SCARA3: variants seen among roughly 807,000 people sequenced by gnomAD.
The protein encoded by SCARA3 is cellular stress response gene protein.
Under a neutral mutation model 47.0 loss-of-function variants are expected in SCARA3, and 39 were observed. The observed-to-expected ratio is 0.83, with a 90% CI of 0.64 to 1.08. The LOEUF (loss-of-function observed/expected upper bound fraction) is 1.08, where lower values mean the gene tolerates loss of function less well. SCARA3 is among the 50% of genes least tolerant of loss of function. SCARA3 has a pLI of 0.00. For missense variants in SCARA3, 724 were observed against 792.3 expected (o/e 0.91, Z 1.04); for synonymous variants, 356 against 334.1 (o/e 1.07, Z -0.71).
chr8:27,714,298 C>T, the SCARA3 span, among the ~76,000 whole-genome samples: 1 of 149,034 alleles, frequency 6.7e-6, no homozygotes, highest in Non-Finnish European at 1.5e-5. Context: ...CTGGTTCAAG[C>T]AATTCTCTGC....
chr8:27,678,514 A>G (rs1802311431), downstream of SCARA3, among the ~76,000 whole-genome samples: 2 of 152,238 alleles, frequency 1.3e-5, no homozygotes, highest in South Asian at 4.1e-4. Flanking sequence ...TATTAATATA[A>G]CTATGAAAGC....
chr8:27,661,486 T>A (rs1563410615), intron 5 of SCARA3, among the ~76,000 whole-genome samples: 1 of 152,040 alleles, frequency 6.6e-6, no homozygotes, highest in South Asian at 2.1e-4. Flanking sequence ...TGTTACACAA[T>A]AAGGGAATAA....
downstream of SCARA3, among the ~76,000 whole-genome samples, chr8:27,676,973 G>A (rs920993978): frequency 6.6e-6 from 1 of 152,142 alleles, no homozygotes; most frequent in South Asian, 2.1e-4. Flanking sequence ...ACTCCCAGAC[G>A]AGGATGTTCC....
chr8:27,640,218 A>T (rs1430625053), intron 1 of SCARA3, among the ~76,000 whole-genome samples: 1 of 152,180 alleles, frequency 6.6e-6, no homozygotes, highest in East Asian at 1.9e-4. Context: ...TTATTTTTTT[A>T]AAAATCAAAA....
the SCARA3 span, among the ~76,000 whole-genome samples, chr8:27,693,927 CT>C: frequency 2.6e-5 from 4 of 152,192 alleles, no homozygotes; most frequent in African/African-American, 9.7e-5. Flanking sequence ...CAATGTACGT[CT>C]TACAGGTATC....
the SCARA3 span, among the ~76,000 whole-genome samples, chr8:27,709,116 C>G: frequency 9.9e-5 from 15 of 152,280 alleles, no homozygotes; most frequent in Non-Finnish European, 2.1e-4. Context: ...GAGCATTTCT[C>G]ATATTTATTT....
intron 3 of SCARA3, among the ~76,000 whole-genome samples, chr8:27,654,789 C>CA (rs539914704): frequency 0.16 from 13,369 of 85,756 alleles, 673 homozygotes; most frequent in African/African-American, 0.18. Flanking sequence ...GACTGTCTCA[C>CA]AAAAAAAAAA....
rs898098575 is a variant in SCARA3, at chr8:27,659,549, G to A, written c.1369+10G>A. 6.3e-6 allele frequency: 10 copies of A among 1,590,826 alleles called. No homozygotes were observed. The highest frequency in any genetic ancestry group is 6.0e-6 in the Non-Finnish European group (7 of 1,167,324). ...GTCACCATCCTACGAGGTAAGAGCT[G>A]GGTCCAGGTAGGGCTGCTACAAAGC... On this transcript the variant is annotated intron_variant, in intron 5 of 5. Coordinates refer to ENST00000301904, the MANE Select transcript of SCARA3 (RefSeq NM_016240.3).
At chr8:27,681,621 C>T (rs1471630169), downstream of SCARA3, among the ~76,000 whole-genome samples, 2 of 152,114 alleles carry the variant, frequency 1.3e-5, no homozygotes, top group Non-Finnish European at 2.9e-5. Context: ...ACTCTGGAGG[C>T]TGAGACAAGA....
chr8:27,728,165 C>T, the SCARA3 span, among the ~76,000 whole-genome samples: 2 of 152,222 alleles, frequency 1.3e-5, no homozygotes, highest in African/African-American at 4.8e-5. Context: ...TAGCAGAAAG[C>T]TGGGTTCCAG....
the SCARA3 span, among the ~76,000 whole-genome samples, chr8:27,682,359 C>G: frequency 6.6e-6 from 1 of 152,024 alleles, no homozygotes; most frequent in Non-Finnish European, 1.5e-5. Context: ...CTTGGAATGA[C>G]AAAGTTTTCT....
At chr8:27,659,723 A>G (rs1449043770) in intron 5 of SCARA3, among the ~76,000 whole-genome samples, 184 bp downstream of exon 5, 1 of 151,894 alleles carries the variant, frequency 6.6e-6, no homozygotes, top group Non-Finnish European at 1.5e-5. Context: ...GGTGGTGTGT[A>G]CCTATACTCC....
chr8:27,723,071 C>A, the SCARA3 span, among the ~76,000 whole-genome samples: 1 of 152,316 alleles, frequency 6.6e-6, no homozygotes, highest in South Asian at 2.1e-4. Flanking sequence ...GGTGGCTTCC[C>A]TTTCCTTCCA....
chr8:27,699,468 T>C, the SCARA3 span, among the ~76,000 whole-genome samples: 1 of 151,958 alleles, frequency 6.6e-6, no homozygotes, highest in Non-Finnish European at 1.5e-5. Flanking sequence ...GCTTCATGAG[T>C]TGTTGGGATT....
chr8:27,698,923 T>A, the SCARA3 span, among the ~76,000 whole-genome samples: 1 of 152,146 alleles, frequency 6.6e-6, no homozygotes, highest in Non-Finnish European at 1.5e-5. Context: ...ATATATCTCA[T>A]GTTCATGTAT....
chr8:27,669,802 C>T (rs1563413895), intron 5 of SCARA3, among the ~76,000 whole-genome samples: 1 of 152,216 alleles, frequency 6.6e-6, no homozygotes. Flanking sequence ...CACTTAGAAA[C>T]ACTCTGGGAA....
chr8:27,707,269 G>T, the SCARA3 span, among the ~76,000 whole-genome samples: 1 of 152,136 alleles, frequency 6.6e-6, no homozygotes, highest in Non-Finnish European at 1.5e-5. Context: ...TGGGGTTGAA[G>T]TCCCCCAAAG....
At chr8:27,687,922 G>A in the SCARA3 span, among the ~76,000 whole-genome samples, 27,511 of 152,042 alleles carry the variant, frequency 0.18, 3,125 homozygotes, top group Middle Eastern at 0.34. Flanking sequence ...AGGCTGAGGT[G>A]GGAGAATTGC....
chr8:27,671,767 C>A lies in SCARA3; in HGVS notation c.*416C>A. The A allele has an allele frequency of 1.0e-6, 1 of 1,000,748 alleles. No homozygotes were observed. Among genetic ancestry groups the A allele is most frequent in the Non-Finnish European group, 1.2e-6 (1 of 840,612 alleles). 62.0% of individuals were successfully genotyped at this position (1,000,748 alleles called of 1,614,324 possible). ...ATATATGCACAGGCACACACATGTA[C>A]GCACACACACATGCACTGCACACAT... On this transcript the variant is annotated 3_prime_UTR_variant, in exon 6 of 6. Coordinates refer to ENST00000301904, the MANE Select transcript of SCARA3 (RefSeq NM_016240.3).
Sources: allele counts gnomAD v4.1 joint callset (sites outside exome capture counted in the v4.1 genomes callset), GRCh38; gene constraint gnomAD v4.1.1; transcripts MANE v1.5; gene names NCBI Gene and HGNC (gene_info 2026-07-23, HGNC 2026-07-21).